Variants in AGPAT3 observed in about 807,000 individuals in gnomAD.
AGPAT3 encodes the protein 1-acylglycerol-3-phosphate O-acyltransferase 3, also known as 1-acyl-sn-glycerol-3-phosphate acyltransferase gamma.
A neutral mutation model predicts 47.3 loss-of-function variants in AGPAT3; 5 were observed. That is an observed-to-expected ratio of 0.11 (90% CI 0.06 to 0.22). The LOEUF (loss-of-function observed/expected upper bound fraction) is 0.22. Among genes scored for constraint, AGPAT3 ranks in the 10% least tolerant of loss-of-function variants. The pLI, the probability that AGPAT3 is intolerant of heterozygous loss-of-function variation, is 1.00. For synonymous variants in AGPAT3, 212 were observed against 208.3 expected, an observed-to-expected ratio of 1.02 and a Z score of -0.15; for missense variants, 315 against 493.0, an observed-to-expected ratio of 0.64 and a Z score of 3.42.
intron 1 of AGPAT3, among the ~76,000 whole-genome samples, chr21:43,878,193 A>G (rs1447895882): frequency 6.7e-6 from 1 of 150,328 alleles, no homozygotes; most frequent in African/African-American, 2.5e-5. Flanking sequence ...AAGCTGCCCC[A>G]CTGGCCACAC....
intron 1 of AGPAT3, among the ~76,000 whole-genome samples, chr21:43,896,256 T>C (rs181289449): frequency 6.8e-4 from 104 of 152,366 alleles, no homozygotes; most frequent in African/African-American, 2.3e-3. Context: ...AGATAACTTT[T>C]TGTTACTTTT....
At chr21:43,976,318 G>A (rs1231398267) in intron 7 of AGPAT3, among the ~76,000 whole-genome samples, 2 of 151,822 alleles carry the variant, frequency 1.3e-5, no homozygotes, top group Non-Finnish European at 2.9e-5. Context: ...GCCTGCCTTG[G>A]CCTCTCGAGT....
At chr21:43,941,207 C>T (rs1053134958) in intron 2 of AGPAT3, among the ~76,000 whole-genome samples, 2 of 152,188 alleles carry the variant, frequency 1.3e-5, no homozygotes, top group African/African-American at 2.4e-5. Flanking sequence ...GGAGGTTCCA[C>T]GCTAGACTGT....
At chr21:43,979,322 A>AAAG (rs1329710144) in intron 8 of AGPAT3, among the ~76,000 whole-genome samples, 4 of 136,962 alleles carry the variant, frequency 2.9e-5, no homozygotes, top group Non-Finnish European at 6.2e-5. Flanking sequence ...AAAAAGAAAG[A>AAAG]AAAAAAAAGA....
rs554675748 is a variant in AGPAT3 at position 43,922,458 on chromosome 21, A to C, written c.-49+18439A>C. Among the ~76,000 whole-genome samples the C allele has an allele frequency of 1.3e-5, 2 of 151,680 alleles. No homozygotes were observed. Among genetic ancestry groups the C allele is most frequent in the African/African-American group, 4.8e-5 (2 of 41,282 alleles). On this transcript the variant is annotated intron_variant, in intron 2 of 9. Transcript: ENST00000291572. The surrounding 1 kb of genome is among the most constrained non-coding windows in gnomAD (Gnocchi z 4.9). ...AACCCCACCCTCAAGGCAGGCAGCG[A>C]GTGGAGGAGAGTCTCCCTGGGACCC... is the stretch of plus-strand genomic sequence containing the variant.
At chr21:43,884,727 GTGC>G (rs1028883117) in intron 1 of AGPAT3, among the ~76,000 whole-genome samples, 11 of 151,734 alleles carry the variant, frequency 7.2e-5, no homozygotes, top group African/African-American at 2.4e-4. Context: ...GGGTGGTCTG[GTGC>G]TGGATGCTGG....
At chr21:43,947,339 T>C (rs2087940656) in intron 2 of AGPAT3, among the ~76,000 whole-genome samples, 1 of 152,268 alleles carries the variant, frequency 6.6e-6, no homozygotes, top group Admixed American at 6.5e-5. Flanking sequence ...CTGGGGCTAC[T>C]GATCCAGCCC....
At chr21:43,971,208 AAG>A (rs982149943) in intron 6 of AGPAT3, among the ~76,000 whole-genome samples, 178 bp from the exon 7 acceptor site, 4 of 152,180 alleles carry the variant, frequency 2.6e-5, no homozygotes, top group Admixed American at 6.5e-5. Flanking sequence ...ATGGGGAAAA[AAG>A]AGGGGGAAAG....
At chr21:43,944,041 C>T (rs2087770654) in intron 2 of AGPAT3, among the ~76,000 whole-genome samples, 1 of 152,210 alleles carries the variant, frequency 6.6e-6, no homozygotes, top group Non-Finnish European at 1.5e-5. Context: ...CCTGGGCCCC[C>T]TCAGGACAGC....
rs1408949679 is a variant in AGPAT3, at chr21:43,954,420, T to TGG, written c.-48-5210_-48-5209dup. ...AGGGAAACCGTGTTGAGCGCTCTGG[T>TGG]GGGGGCAGGCGGGCGGGAGAGGCCC... On this transcript the variant is annotated intron_variant, in intron 2 of 9. Transcript: ENST00000291572. The surrounding 1 kb of genome is among the most constrained non-coding windows in gnomAD (Gnocchi z 4.0). 2 of 148,802 alleles carry TGG rather than the reference T, an allele frequency of 1.3e-5. No individual in the cohort carries two copies. The highest frequency in any genetic ancestry group is 4.9e-5 in the African/African-American group (2 of 40,552). 9.2% of individuals were successfully genotyped at this position (148,802 alleles called of 1,614,324 possible). A position where few individuals can be genotyped will look rare whatever the true frequency, so the allele number is the denominator to read the frequency against.
At chr21:43,901,536 A>G (rs1010602114) in intron 1 of AGPAT3, among the ~76,000 whole-genome samples, 1 of 152,122 alleles carries the variant, frequency 6.6e-6, no homozygotes, top group Non-Finnish European at 1.5e-5. Flanking sequence ...TAATCCCAGC[A>G]CTTCTGGAGG....
intron 1 of AGPAT3, among the ~76,000 whole-genome samples, chr21:43,879,613 C>T (rs192869731): frequency 5.2e-4 from 79 of 152,136 alleles, no homozygotes; most frequent in Admixed American, 3.7e-3. Context: ...CACCTGTCTC[C>T]TTGTCTGTTC....
intron 7 of AGPAT3, among the ~76,000 whole-genome samples, chr21:43,974,688 CAG>C (rs2089537615): frequency 1.3e-5 from 2 of 150,410 alleles, no homozygotes; most frequent in Non-Finnish European, 3.0e-5. Flanking sequence ...GTATATGAAT[CAG>C]GGTTGGTGTG....
In AGPAT3 at chr21:43,952,087, C is replaced by T. The variant is rs1038689398; in HGVS notation, c.-48-7547C>T. ...GGATGGCGGAACACGGGGATGGGCC[C>T]GTACCTCTCCAGAACTACGGACCTG... On this transcript the variant is annotated intron_variant, in intron 2 of 9. Coordinates refer to ENST00000291572, the MANE Select transcript of AGPAT3 (RefSeq NM_020132.5). This position sits in a 1 kb window ranked among gnomAD's most constrained non-coding sequence, Gnocchi z 5.6. Among the ~76,000 whole-genome samples the T allele has an allele frequency of 1.3e-5, 2 of 152,034 alleles. No homozygotes were observed. Among genetic ancestry groups the T allele is most frequent in the Non-Finnish European group, 2.9e-5 (2 of 68,006 alleles).
intron 2 of AGPAT3, among the ~76,000 whole-genome samples, chr21:43,917,647 C>T (rs1400253207): frequency 6.6e-6 from 1 of 151,880 alleles, no homozygotes; most frequent in Non-Finnish European, 1.5e-5. Context: ...AAAGTGGGAA[C>T]TTTTAAAGGT....
intron 2 of AGPAT3, among the ~76,000 whole-genome samples, chr21:43,959,426 G>A (rs2088710228): frequency 6.7e-6 from 1 of 149,220 alleles, no homozygotes; most frequent in Admixed American, 6.7e-5. Context: ...TTTGTGGTGT[G>A]TGGCGTGTGT....
intron 2 of AGPAT3, among the ~76,000 whole-genome samples, chr21:43,937,349 G>A (rs796343175): frequency 9.8e-5 from 15 of 152,360 alleles, no homozygotes; most frequent in African/African-American, 3.4e-4. Context: ...ACCTAGGTGG[G>A]AAGCCCCAGG....
intron 1 of AGPAT3, among the ~76,000 whole-genome samples, chr21:43,879,885 T>C (rs1013890861): frequency 2.6e-5 from 4 of 152,178 alleles, no homozygotes; most frequent in Admixed American, 6.5e-5. Context: ...CCTTAGGACC[T>C]CTGGGCACCT....
chr21:43,941,163 A>G (rs4819351), intron 2 of AGPAT3, among the ~76,000 whole-genome samples: 111,259 of 152,124 alleles, frequency 0.73, 41,514 homozygotes, highest in South Asian at 0.84. Flanking sequence ...CCGGAGAACG[A>G]GGTGATTTCC....
Sources: allele counts gnomAD v4.1 joint callset (sites outside exome capture counted in the v4.1 genomes callset), GRCh38; gene constraint gnomAD v4.1.1; non-coding constraint Gnocchi (gnomAD v3.1); transcripts MANE v1.5; gene names NCBI Gene and HGNC (gene_info 2026-07-23, HGNC 2026-07-21).